The following GPR137 variants were observed in gnomAD, a reference collection of about 807,000 sequenced individuals.
The protein encoded by GPR137 is G protein-coupled receptor 137.
In GPR137, 20 loss-of-function variants were observed where a neutral mutation model predicts 38.9. The observed-to-expected ratio is 0.51, with a 90% CI of 0.36 to 0.75. GPR137 has a LOEUF of 0.75. GPR137 is among the 30% of genes least tolerant of loss of function. The pLI, the probability that GPR137 is intolerant of heterozygous loss-of-function variation, is 0.00. For synonymous variants in GPR137, 226 were observed against 235.8 expected, an observed-to-expected ratio of 0.96 and a Z score of 0.38; for missense variants, 456 against 526.4, an observed-to-expected ratio of 0.87 and a Z score of 1.31.
chr11:64,275,244 A>AGCACCTTGGGGG (rs2032972090), upstream of GPR137, among the ~76,000 whole-genome samples: 5 of 152,078 alleles, frequency 3.3e-5, no homozygotes, highest in South Asian at 1.0e-3. Flanking sequence ...CTATAATCCC[A>AGCACCTTGGGGG]GCACCTTGGG....
chr11:64,277,969 T>C (rs2033181569), intron 2 of GPR137, among the ~76,000 whole-genome samples: 1 of 152,140 alleles, frequency 6.6e-6, no homozygotes, highest in South Asian at 2.1e-4. Context: ...TTACAAAATA[T>C]AGTTCTTTGG....
upstream of GPR137, chr11:64,271,544 A>C (rs1188255303): frequency 1.5e-6 from 2 of 1,342,952 alleles, no homozygotes; most frequent in Non-Finnish European, 1.9e-6. Flanking sequence ...CCTTGGGACA[A>C]GGCAGGGACA....
At position 64,286,219 on chromosome 11, in the gene GPR137, C is replaced by A; in HGVS notation, c.-306C>A. On this transcript the variant is annotated 5_prime_UTR_variant, in exon 1 of 7. Transcript: ENST00000438980. ...CTCTCCTTGGGCCTCTGCATCCCCC[C>A]ATCCTTGGCTCTGGGGTAGGCCCAG... 4.2e-6 allele frequency: 5 copies of A among 1,183,436 alleles called. No individual in the cohort carries two copies. Among genetic ancestry groups the A allele is most frequent in the Non-Finnish European group, 5.2e-6 (5 of 954,016 alleles). The allele number at this position is 1,183,436 out of a possible 1,614,324, so 73.3% of individuals were successfully genotyped here. A position where few individuals can be genotyped will look rare whatever the true frequency, so the allele number is the denominator to read the frequency against.
chr11:64,278,447 G>A (rs1365050848), intron 2 of GPR137, among the ~76,000 whole-genome samples: 1 of 151,064 alleles, frequency 6.6e-6, no homozygotes, highest in Non-Finnish European at 1.5e-5. Context: ...AATAAGAGCC[G>A]CAAACACTTA....
At chr11:64,271,625 C>T (rs534875657), upstream of GPR137, 5 of 1,498,514 alleles carry the variant, frequency 3.3e-6, no homozygotes, top group African/African-American at 1.4e-5. Context: ...TAAAGGAGTC[C>T]ACAAACTCGT....
Position 64,287,957 on chromosome 11 carries a change from A to G in GPR137, c.633+11A>G. 3 of 1,601,262 alleles carry G rather than the reference A, an allele frequency of 1.9e-6. No homozygotes were observed. Among genetic ancestry groups the G allele is most frequent in the Non-Finnish European group, 2.5e-6 (3 of 1,179,920 alleles). ...TACCTGGAGGCCAAGGTAGGGCTGCAGCACTGATGCCCAGGTGTCTTTTGG... is the reference window on the plus strand; with the variant it reads ...TACCTGGAGGCCAAGGTAGGGCTGCGGCACTGATGCCCAGGTGTCTTTTGG... On this transcript the variant is annotated intron_variant, in intron 3 of 6. Transcript: ENST00000438980.
Position 64,286,867 on chromosome 11 carries a change from C to G in GPR137, c.343C>G (p.Leu115Val), listed in dbSNP as rs1291996360. Residue 115 changes from leucine to valine, a missense_variant, in exon 1 of 7, where the codon CTC becomes GTC. By Grantham distance (32) the Leu-to-Val change is conservative. Transcript: ENST00000438980. ...GTTCTTCACCTTGACGCTTATGAAC[C>G]TCTACTTTGCCCAGGTAACCAACTG... ...LQFFTLTLMN[L>V]YFAQVVFKAK... The G allele has an allele frequency of 1.2e-6, 2 of 1,603,408 alleles. No individual in the cohort carries two copies. Among genetic ancestry groups the G allele is most frequent in the Admixed American group, 3.4e-5 (2 of 59,488 alleles).
chr11:64,288,097 T>C lies in GPR137; in HGVS notation c.666T>C (p.Gly222=), dbSNP rs769369935. 1.2e-6 allele frequency: 2 copies of C among 1,611,966 alleles called. No individual in the cohort carries two copies. The highest frequency in any genetic ancestry group is 2.2e-5 in the South Asian group (2 of 91,078). The part of the protein sequence containing the change: ...GTSVCQAAAM[G]GAMVLLYASR... ...GTGTGTGCCAGGCGGCCGCGATGGGTGGCGCCATGGTCCTGCTCTATGCCA... is the reference window on the plus strand; with the variant it reads ...GTGTGTGCCAGGCGGCCGCGATGGGCGGCGCCATGGTCCTGCTCTATGCCA... The change falls in exon 4 of 7, where the codon GGT becomes GGC. Residue 222 remains glycine, a synonymous_variant. Coordinates refer to ENST00000438980, the MANE Select transcript of GPR137 (RefSeq NM_001170880.2). This position sits in a 1 kb window ranked among gnomAD's most constrained non-coding sequence, Gnocchi z 5.5.
chr11:64,283,723 A>G (rs1210911517), upstream of GPR137, among the ~76,000 whole-genome samples: 1 of 152,220 alleles, frequency 6.6e-6, no homozygotes, highest in African/African-American at 2.4e-5. Flanking sequence ...GGCCTTAGGC[A>G]GGCCCCTTTT....
In GPR137 at chr11:64,288,387, C is replaced by A. The variant is rs764275394; in HGVS notation, c.831C>A (p.Gly277=). ...GGAACAAAGGCTACCTGGTATTTGGCCTCATCCTCTTCGTGTGGGAGCTAC... is the reference window on the plus strand; with the variant it reads ...GGAACAAAGGCTACCTGGTATTTGGACTCATCCTCTTCGTGTGGGAGCTAC... The part of the protein sequence containing the change: ...DLGNKGYLVF[G]LILFVWELLP... The change falls in exon 5 of 7, where the codon GGC becomes GGA. Residue 277 remains glycine, a synonymous_variant. Coordinates refer to ENST00000438980, the MANE Select transcript of GPR137 (RefSeq NM_001170880.2). The surrounding 1 kb of genome is among the most constrained non-coding windows in gnomAD (Gnocchi z 5.5). 1.9e-6 allele frequency: 3 copies of A among 1,613,788 alleles called. No individual in the cohort carries two copies. In the African/African-American group the frequency reaches 4.0e-5, roughly 22 times the overall value.
exon 1 of GPR137, chr11:64,270,617 A>T (rs1389533810): frequency 1.5e-6 from 1 of 662,916 alleles, no homozygotes; most frequent in Non-Finnish European, 2.8e-6. Context: ...CCTAGCACCC[A>T]GAAGATGAGA....
chr11:64,273,725 C>CA (rs1368151224), upstream of GPR137, among the ~76,000 whole-genome samples: 6 of 151,550 alleles, frequency 4.0e-5, no homozygotes, highest in South Asian at 1.0e-3. Flanking sequence ...ACTAAAAATA[C>CA]AAAAAAATTA....
chr11:64,271,705 G>A, upstream of GPR137: 2 of 1,466,914 alleles, frequency 1.4e-6, no homozygotes, highest in South Asian at 1.4e-5. Flanking sequence ...GAGCGCGAGC[G>A]GCCCCGAAAG....
At chr11:64,282,047 A>G (rs1427250051), upstream of GPR137, among the ~76,000 whole-genome samples, 2 of 152,124 alleles carry the variant, frequency 1.3e-5, no homozygotes, top group Admixed American at 6.5e-5. Context: ...TGCTGCCCCC[A>G]TACAAATCTT....
upstream of GPR137, among the ~76,000 whole-genome samples, chr11:64,273,549 C>A (rs1246141324): frequency 6.6e-6 from 1 of 151,860 alleles, no homozygotes; most frequent in Non-Finnish European, 1.5e-5. Context: ...TAGAACCACT[C>A]CCCTGAGCAA....
chr11:64,277,223 C>T (rs748793031), intron 2 of GPR137, among the ~76,000 whole-genome samples: 7 of 152,186 alleles, frequency 4.6e-5, no homozygotes, highest in South Asian at 2.1e-4. Flanking sequence ...AATCTGCTGC[C>T]GGGGGAGGCT....
At chr11:64,284,655 G>T, upstream of GPR137, 2 of 1,533,980 alleles carry the variant, frequency 1.3e-6, no homozygotes, top group South Asian at 2.4e-5. Flanking sequence ...CGAGGCCCCT[G>T]ACCCGGGCCT....
upstream of GPR137, among the ~76,000 whole-genome samples, chr11:64,273,855 CAAAAAAAA>C (rs34577596): frequency 4.3e-3 from 234 of 54,844 alleles, no homozygotes; most frequent in African/African-American, 0.015. Flanking sequence ...GCACCCATCT[CAAAAAAAA>C]AAAAAAAAAA....
At chr11:64,287,623 C>G (rs938039062) in intron 2 of GPR137, 98 bp from the exon 3 acceptor site, 122 of 1,569,166 alleles carry the variant, frequency 7.8e-5, no homozygotes, top group Non-Finnish European at 1.0e-4. Context: ...ACTGGATGCC[C>G]TGAGTTTTGT....
Sources: gnomAD v4.1 joint callset for allele counts (sites outside exome capture counted in the v4.1 genomes callset) on GRCh38, gnomAD v4.1.1 for gene constraint, Gnocchi (gnomAD v3.1) non-coding constraint, MANE v1.5 for transcripts, NCBI Gene and HGNC (gene_info 2026-07-23, HGNC 2026-07-21) for gene names.